The following ANK3 variants were observed in gnomAD, a reference collection of about 807,000 sequenced individuals.
ANK3 encodes the protein ankyrin 3.
ANK3 carries 57 observed loss-of-function variants against 370.9 expected under a neutral mutation model. That is an observed-to-expected ratio of 0.15 (90% CI 0.12 to 0.19). ANK3 has a LOEUF of 0.19. Among genes scored for constraint, ANK3 ranks in the 10% least tolerant of loss-of-function variants. The pLI, the probability that ANK3 is intolerant of heterozygous loss-of-function variation, is 1.00. For synonymous variants in ANK3, 1,929 were observed against 1,946.3 expected, an observed-to-expected ratio of 0.99 and a Z score of 0.23; for missense variants, 4,439 against 5,302.1, an observed-to-expected ratio of 0.84 and a Z score of 5.06.
At position 60,320,640 on chromosome 10, in the gene ANK3, G is replaced by A. The variant is rs149179174; in HGVS notation, c.115-41001C>T. ...AGCAATATGTTTGAAGGCTCGCTGT[G>A]TGCAGAGCACAGGAATTGTCTTGGT... On this transcript the variant is annotated intron_variant, in intron 1 of 43. Transcript: ENST00000280772. Among the ~76,000 whole-genome samples, 417 of 152,204 alleles carry A rather than the reference G, an allele frequency of 2.7e-3. 3 individuals carry two copies. Among genetic ancestry groups the A allele is most frequent in the African/African-American group, 9.7e-3 (405 of 41,550 alleles).
rs72820410 is a variant in ANK3 at position 60,114,376 on chromosome 10, A to C, written c.2842-45T>G. The C allele has an allele frequency of 7.1e-4, 758 of 1,074,430 alleles. 2 individuals are homozygous for C. The highest frequency in any genetic ancestry group is 5.6e-4 in the Non-Finnish European group (398 of 710,780). 66.6% of individuals were successfully genotyped at this position (1,074,430 alleles called of 1,614,324 possible). A position where few individuals can be genotyped will look rare whatever the true frequency, so the allele number is the denominator to read the frequency against. The stretch of plus-strand genomic sequence containing the variant: ...ATTAAATTACATCAACAAACCATAC[A>C]AGACTGATTTCTCTACACATATAAA... On this transcript the variant is annotated intron_variant, in intron 25 of 43. Coordinates refer to ENST00000280772, the MANE Select transcript of ANK3 (RefSeq NM_020987.5).
intron 40 of ANK3, chr10:60,062,626 GTGCACATTTAAATACC>G (rs1211186963): frequency 2.0e-5 from 3 of 152,162 alleles, no homozygotes; most frequent in Non-Finnish European, 4.4e-5. Flanking sequence ...AATTTTTTCA[GTGCACATTTAAATACC>G]TGGTGCCACA....
chr10:60,127,700 CT>C (rs10715735), intron 25 of ANK3, among the ~76,000 whole-genome samples: 21,126 of 132,356 alleles, frequency 0.16, 1,374 homozygotes, highest in East Asian at 0.47. Context: ...GTTTTTCATA[CT>C]TTTTTTTTTT....
chr10:60,462,196 CA>C (rs146157734), intron 2 of ANK3, among the ~76,000 whole-genome samples: 30 of 146,178 alleles, frequency 2.1e-4, no homozygotes, highest in East Asian at 1.8e-3. Flanking sequence ...AACAAACAAA[CA>C]AAAAAAAAAG....
intron 17 of ANK3, among the ~76,000 whole-genome samples, chr10:60,182,840 A>G (rs1459890860): frequency 6.6e-6 from 1 of 152,226 alleles, no homozygotes; most frequent in East Asian, 1.9e-4. Flanking sequence ...TGATGCATTC[A>G]CTTGAAATTC....
chr10:60,334,235 C>T (rs1203141197), intron 1 of ANK3, among the ~76,000 whole-genome samples: 1 of 152,112 alleles, frequency 6.6e-6, no homozygotes, highest in African/African-American at 2.4e-5. Context: ...ATATGGGCTT[C>T]ACATGTTTAT....
chr10:60,155,156 T>C (rs973688786), intron 23 of ANK3, among the ~76,000 whole-genome samples: 3 of 152,126 alleles, frequency 2.0e-5, no homozygotes, highest in African/African-American at 7.2e-5. Flanking sequence ...TAATGTAATA[T>C]CAAGGATAGA....
In ANK3 at chr10:60,172,288, G is replaced by T. The variant is rs2095813327; in HGVS notation, c.2478+20C>A. 3 of 1,598,032 alleles carry T rather than the reference G, an allele frequency of 1.9e-6. No homozygotes were observed. Among genetic ancestry groups the T allele is most frequent in the African/African-American group, 1.3e-5 (1 of 74,566 alleles). The stretch of plus-strand genomic sequence containing the variant: ...GAAAGCTGGCTCCTAGGGTAACAAG[G>T]TTCTGCATTCCTTACTTACAGTTGT... On this transcript the variant is annotated intron_variant, in intron 21 of 43. Transcript: ENST00000280772.
chr10:60,643,351 C>G (rs2078661581), intron 1 of ANK3, among the ~76,000 whole-genome samples: 1 of 152,156 alleles, frequency 6.6e-6, no homozygotes, highest in African/African-American at 2.4e-5. Context: ...CAGCCTACAT[C>G]TTTCTCCTGT....
At chr10:60,487,111 T>C (rs2133112188) in intron 2 of ANK3, among the ~76,000 whole-genome samples, 1 of 152,260 alleles carries the variant, frequency 6.6e-6, no homozygotes, top group Non-Finnish European at 1.5e-5. Flanking sequence ...AGAACCTAAT[T>C]CTTGAGAGGG....
At chr10:60,312,500 T>A (rs2046558724) in intron 1 of ANK3, among the ~76,000 whole-genome samples, 2 of 152,206 alleles carry the variant, frequency 1.3e-5, no homozygotes, top group South Asian at 4.1e-4. Flanking sequence ...GTGGACACAG[T>A]CCTCTTACCT....
At chr10:60,318,541 A>T (rs981885127) in intron 1 of ANK3, among the ~76,000 whole-genome samples, 2 of 152,202 alleles carry the variant, frequency 1.3e-5, no homozygotes, top group Non-Finnish European at 2.9e-5. Context: ...GCAAAATTCA[A>T]TTGTAATATA....
chr10:60,176,782 ATAAAC>A (rs2132328375), intron 18 of ANK3, among the ~76,000 whole-genome samples: 1 of 152,248 alleles, frequency 6.6e-6, no homozygotes, highest in Non-Finnish European at 1.5e-5. Context: ...AATAAATAAA[ATAAAC>A]AAAAACAAAC....
At chr10:60,311,066 C>A (rs369182409) in intron 1 of ANK3, among the ~76,000 whole-genome samples, 1 of 152,152 alleles carries the variant, frequency 6.6e-6, no homozygotes, top group Admixed American at 6.5e-5. Context: ...AAAAGAACTT[C>A]TCTCATTAAA....
intron 2 of ANK3, among the ~76,000 whole-genome samples, chr10:60,395,872 A>AGAAGCAGGGATGGGGTAACGT (rs1478201957): frequency 1.3e-5 from 2 of 152,156 alleles, no homozygotes; most frequent in African/African-American, 4.8e-5. Context: ...CAGGTGCTAC[A>AGAAGCAGGGATGGGGTAACGT]GAAGCAGGGA....
chr10:60,376,084 C>A (rs1307601964), intron 1 of ANK3, among the ~76,000 whole-genome samples: 1 of 152,172 alleles, frequency 6.6e-6, no homozygotes, highest in African/African-American at 2.4e-5. Context: ...ACTTCACACT[C>A]CACAGAGAAG....
intron 2 of ANK3, among the ~76,000 whole-genome samples, chr10:60,563,403 C>T (rs1263043825): frequency 1.3e-5 from 2 of 152,190 alleles, no homozygotes; most frequent in Admixed American, 1.3e-4. Context: ...TACAGATTCA[C>T]AACCCATGAT....
chr10:60,195,995 G>A (rs2096580284), intron 16 of ANK3, 150 bp downstream of exon 16: 4 of 626,544 alleles, frequency 6.4e-6, no homozygotes, highest in African/African-American at 3.7e-5. Flanking sequence ...AATCACTGAA[G>A]GCACAGATGT....
intron 1 of ANK3, among the ~76,000 whole-genome samples, chr10:60,352,693 A>G (rs569891668): frequency 2.7e-4 from 41 of 152,200 alleles, no homozygotes; most frequent in African/African-American, 9.9e-4. Context: ...TCCTCTCCTT[A>G]CTTTCATTCC....
Sources: allele counts gnomAD v4.1 joint callset (sites outside exome capture counted in the v4.1 genomes callset), GRCh38; gene constraint gnomAD v4.1.1; transcripts MANE v1.5; gene names NCBI Gene and HGNC (gene_info 2026-07-23, HGNC 2026-07-21).